PDE3A: variants seen among roughly 807,000 people sequenced by gnomAD.
PDE3A encodes phosphodiesterase 3A.
In PDE3A, 43 loss-of-function variants were observed where a neutral mutation model predicts 98.3. The ratio of observed to expected loss-of-function variants is 0.44; its 90% CI spans 0.34 to 0.56. The LOEUF is 0.56. Among genes scored for constraint, PDE3A ranks in the 20% least tolerant of loss-of-function variants. The pLI is 0.01. For synonymous variants in PDE3A, 663 were observed against 567.9 expected (o/e 1.17, Z -2.38); for missense variants, 1,427 against 1,440.7 (o/e 0.99, Z 0.15).
At chr12:20,506,128 GTA>G (rs755052313) in intron 1 of PDE3A, among the ~76,000 whole-genome samples, 5 of 146,808 alleles carry the variant, frequency 3.4e-5, no homozygotes, top group African/African-American at 7.6e-5. Flanking sequence ...GTGTGTGTGT[GTA>G]TGTGTGTGTA....
At chr12:20,629,718 C>G (rs763269211) in intron 5 of PDE3A, among the ~76,000 whole-genome samples, 190 bp from the exon 6 acceptor site, 77 of 152,088 alleles carry the variant, frequency 5.1e-4, no homozygotes, top group Non-Finnish European at 1.1e-3. Flanking sequence ...ATTCATTCCT[C>G]CCATTTAATG....
intron 1 of PDE3A, among the ~76,000 whole-genome samples, chr12:20,388,904 C>T (rs561196774): frequency 6.6e-6 from 1 of 151,970 alleles, no homozygotes; most frequent in Non-Finnish European, 1.5e-5. Flanking sequence ...TAAAATGGTG[C>T]CACATCTAGG....
chr12:20,414,794 A>G (rs1168083772), intron 1 of PDE3A, among the ~76,000 whole-genome samples: 1 of 152,132 alleles, frequency 6.6e-6, no homozygotes, highest in African/African-American at 2.4e-5. Flanking sequence ...ATATTGAATT[A>G]TTGTTATTTT....
intron 2 of PDE3A, 180 bp downstream of exon 2, chr12:20,556,890 C>T (rs1942383541): frequency 4.7e-6 from 3 of 643,872 alleles, no homozygotes; most frequent in Non-Finnish European, 8.4e-6. Context: ...AAGGCAGATG[C>T]CAGGATATTC....
At chr12:20,622,141 A>G (rs1944151922) in intron 5 of PDE3A, among the ~76,000 whole-genome samples, 1 of 152,116 alleles carries the variant, frequency 6.6e-6, no homozygotes, top group Non-Finnish European at 1.5e-5. Context: ...TCAAATGGTT[A>G]AAAGGAAAAC....
At chr12:20,546,909 A>G (rs182101618) in intron 1 of PDE3A, among the ~76,000 whole-genome samples, 1 of 152,158 alleles carries the variant, frequency 6.6e-6, no homozygotes, top group Non-Finnish European at 1.5e-5. Context: ...GTAATTTTGA[A>G]TTAATGAAGC....
intron 1 of PDE3A, among the ~76,000 whole-genome samples, chr12:20,529,069 A>G (rs563212607): frequency 6.6e-6 from 1 of 152,180 alleles, no homozygotes; most frequent in Non-Finnish European, 1.5e-5. Flanking sequence ...GAATCATGAA[A>G]GTCATGGCTA....
intron 1 of PDE3A, among the ~76,000 whole-genome samples, chr12:20,525,720 A>G (rs1946506711): frequency 6.6e-6 from 1 of 152,160 alleles, no homozygotes; most frequent in African/African-American, 2.4e-5. Flanking sequence ...CGACTACAAA[A>G]TATTACTTCA....
intron 1 of PDE3A, among the ~76,000 whole-genome samples, chr12:20,537,912 C>T (rs1262841820): frequency 6.7e-6 from 1 of 149,048 alleles, no homozygotes; most frequent in Non-Finnish European, 1.5e-5. Flanking sequence ...TCTATGACAA[C>T]AAAAGAGACT....
chr12:20,625,777 A>G (rs1944248002), intron 5 of PDE3A, among the ~76,000 whole-genome samples: 3 of 152,220 alleles, frequency 2.0e-5, no homozygotes, highest in Non-Finnish European at 4.4e-5. Context: ...ACAAGGAATT[A>G]AAGGCCGAAT....
intron 2 of PDE3A, among the ~76,000 whole-genome samples, chr12:20,563,653 G>C (rs1942585682): frequency 6.6e-6 from 1 of 152,072 alleles, no homozygotes; most frequent in African/African-American, 2.4e-5. Flanking sequence ...AAGACAGTTT[G>C]GTTTTGGGGT....
chr12:20,502,101 G>A (rs1182291182), intron 1 of PDE3A, among the ~76,000 whole-genome samples: 1 of 152,076 alleles, frequency 6.6e-6, no homozygotes, highest in African/African-American at 2.4e-5. Flanking sequence ...TATAGAGGAG[G>A]CTAATACCTT....
At chr12:20,479,483 C>T (rs1345596806) in intron 1 of PDE3A, among the ~76,000 whole-genome samples, 1 of 152,134 alleles carries the variant, frequency 6.6e-6, no homozygotes, top group African/African-American at 2.4e-5. Flanking sequence ...ATCTCTTGAG[C>T]TTATCATGTG....
rs890623536 is a variant in PDE3A, at chr12:20,684,321, T to C, written c.*4050T>C. On this transcript the variant is annotated 3_prime_UTR_variant, in exon 16 of 16. Transcript: ENST00000359062. ...TCTGTCATCCTAACCCTGATTCTAG[T>C]TTAATGCCTTTCCTGACTTATATGC... 11 of 152,158 alleles carry C rather than the reference T, an allele frequency of 7.2e-5. No homozygotes were observed. Among genetic ancestry groups the C allele is most frequent in the African/African-American group, 2.4e-4 (10 of 41,442 alleles). The allele number at this position is 152,158 out of a possible 1,614,324, so 9.4% of individuals were successfully genotyped here.
intron 4 of PDE3A, among the ~76,000 whole-genome samples, chr12:20,620,979 A>G (rs921731709): frequency 6.6e-6 from 1 of 152,092 alleles, no homozygotes; most frequent in African/African-American, 2.4e-5. Context: ...CTTTTAGAAA[A>G]TCTGTGAGGA....
At chr12:20,646,705 C>A (rs765478199) in intron 11 of PDE3A, 46 bp from the exon 12 acceptor site, 4 of 1,437,136 alleles carry the variant, frequency 2.8e-6, no homozygotes, top group Non-Finnish European at 2.9e-6. Context: ...CAAATAATGT[C>A]AGTACTTTTT....
chr12:20,486,084 TA>T (rs1945722772), intron 1 of PDE3A, among the ~76,000 whole-genome samples: 1 of 152,228 alleles, frequency 6.6e-6, no homozygotes, highest in African/African-American at 2.4e-5. Context: ...GATAGACCTT[TA>T]AAAATATATT....
chr12:20,561,765 G>A (rs1462950150), intron 2 of PDE3A, among the ~76,000 whole-genome samples: 9 of 151,982 alleles, frequency 5.9e-5, no homozygotes. Flanking sequence ...CATTATCACA[G>A]AATTTAAGAT....
chr12:20,587,382 T>G (rs1031146752), intron 2 of PDE3A, among the ~76,000 whole-genome samples: 18 of 151,922 alleles, frequency 1.2e-4, no homozygotes, highest in African/African-American at 3.6e-4. Flanking sequence ...AATTAAATAA[T>G]AAGTAAATAA....
Sources: gnomAD v4.1 joint callset for allele counts (sites outside exome capture counted in the v4.1 genomes callset) on GRCh38, gnomAD v4.1.1 for gene constraint, MANE v1.5 for transcripts, NCBI Gene and HGNC (gene_info 2026-07-23, HGNC 2026-07-21) for gene names.